PRAME: variants seen among roughly 807,000 people sequenced by gnomAD.
The protein encoded by PRAME is PRAME nuclear receptor transcriptional regulator, also known as melanoma antigen preferentially expressed in tumors.
PRAME carries 21 observed loss-of-function variants against 32.1 expected under a neutral mutation model. The ratio of observed to expected loss-of-function variants is 0.65; its 90% confidence interval spans 0.46 to 0.94. The LOEUF is 0.94. PRAME is among the 40% of genes least tolerant of loss of function. The pLI, the probability that PRAME is intolerant of heterozygous loss-of-function variation, is 0.00. For synonymous variants in PRAME, 274 were observed against 251.5 expected (o/e 1.09, Z -0.85); for missense variants, 651 against 622.3 (o/e 1.05, Z -0.49).
intron 3 of PRAME, among the ~76,000 whole-genome samples, chr22:22,553,677 T>A (rs190982711): frequency 3.8e-4 from 58 of 151,524 alleles, no homozygotes; most frequent in South Asian, 2.1e-4. Flanking sequence ...GCTGGAGAGG[T>A]GGGATAGAGA....
At chr22:22,552,950 C>T (rs957640931) in intron 3 of PRAME, 7 of 470,558 alleles carry the variant, frequency 1.5e-5, no homozygotes, top group African/African-American at 6.0e-5. Flanking sequence ...TTCAACTCCA[C>T]GCTGCCAACG....
At chr22:22,549,336 G>A (rs1008575429) in intron 5 of PRAME, among the ~76,000 whole-genome samples, 11 of 152,026 alleles carry the variant, frequency 7.2e-5, no homozygotes, top group African/African-American at 2.7e-4. Flanking sequence ...TTGAGAAGCT[G>A]GTGAGCGCAC....
chr22:22,547,779 C>G lies in PRAME; in HGVS notation c.*288G>C. ...AGGGATTAACTCCTACATGTACTTC[C>G]CAAGCCAGAATCTCCCTTTAGAAAT... On this transcript the variant is annotated 3_prime_UTR_variant, in exon 6 of 6. Coordinates refer to ENST00000405655, the MANE Select transcript of PRAME (RefSeq NM_206956.3). 2.1e-6 allele frequency: 1 copy of G among 475,758 alleles called. No individual in the cohort carries two copies. Among genetic ancestry groups the G allele is most frequent in the Non-Finnish European group, 3.7e-6 (1 of 268,962 alleles). 29.5% of individuals were successfully genotyped at this position (475,758 alleles called of 1,614,324 possible).
rs2062532749 is a variant in PRAME, at chr22:22,550,980, G to T, written c.131C>A (p.Ala44Asp). Residue 44 changes from alanine (A) to aspartate (D), a missense_variant, in exon 4 of 6, where the codon GCC becomes GAC. Ala to Asp is a moderately radical substitution (Grantham distance 126). Coordinates refer to ENST00000405655, the MANE Select transcript of PRAME (RefSeq NM_206956.3). ...LLKDEALAIAALELLPRELFP... is the reference protein window; with the variant it reads ...LLKDEALAIADLELLPRELFP... ...GAGCTCCCTGGGCAGCAACTCCAGG[G>T]CGGCAATGGCCAGGGCCTCATCCTT... is the stretch of plus-strand genomic sequence containing the variant. 3.7e-6 allele frequency: 6 copies of T among 1,613,552 alleles called. No homozygotes were observed. In the East Asian group the frequency reaches 1.1e-4, roughly 30 times the overall value.
intron 5 of PRAME, 56 bp downstream of exon 5, chr22:22,549,670 T>C: frequency 6.6e-7 from 1 of 1,524,488 alleles, no homozygotes; most frequent in Non-Finnish European, 8.8e-7. Context: ...CTTTATTGTT[T>C]ACTGCAATAA....
chr22:22,552,181 A>G (rs2062621553), intron 3 of PRAME, among the ~76,000 whole-genome samples: 2 of 151,536 alleles, frequency 1.3e-5, no homozygotes, highest in Non-Finnish European at 2.9e-5. Flanking sequence ...ATCTGAAAAG[A>G]AAAAGAAAAA....
At position 22,550,142 on chromosome 22, in the gene PRAME, T is replaced by C. The variant is rs374696908; in HGVS notation, c.537A>G (p.Val179=). ...AGGCACCTTCCTTGAGGAACAGGTC[T>C]ACGAGCACCTCTACTGGAATGAAGG... The part of the protein sequence containing the change: ...EQPFIPVEVL[V]DLFLKEGACD... Residue 179 remains valine (V), a synonymous_variant, in exon 5 of 6, where the codon GTA becomes GTG. Coordinates refer to ENST00000405655, the MANE Select transcript of PRAME (RefSeq NM_206956.3). 8 of 1,613,770 alleles carry C rather than the reference T, an allele frequency of 5.0e-6. No individual in the cohort carries two copies. The highest frequency in any genetic ancestry group is 6.8e-6 in the Non-Finnish European group (8 of 1,179,976).
At chr22:22,553,198 C>T (rs967356462) in intron 3 of PRAME, among the ~76,000 whole-genome samples, 2 of 151,944 alleles carry the variant, frequency 1.3e-5, no homozygotes, top group Admixed American at 6.6e-5. Flanking sequence ...CCCCTTCCCA[C>T]TCCCAAACAA....
At chr22:22,555,589 G>A (rs940637792) in intron 3 of PRAME, among the ~76,000 whole-genome samples, 2 of 151,706 alleles carry the variant, frequency 1.3e-5, no homozygotes, top group Non-Finnish European at 2.9e-5. Flanking sequence ...GACTGGTCTT[G>A]AACTCCTGGG....
rs1013253377 is a variant in PRAME at position 22,559,259 on chromosome 22, G to A, written c.-402C>T. On this transcript the variant is annotated 5_prime_UTR_variant, in exon 1 of 6. Transcript: ENST00000405655. ...GCAGGCCCGGCTTCTGGCTGCGGGG[G>A]AGCTGTACCCTGAAGCCTCGCCGGA... 6.2e-6 allele frequency: 2 copies of A among 321,344 alleles called. No individual in the cohort carries two copies. The highest frequency in any genetic ancestry group is 1.5e-4 in the East Asian group (1 of 6,588). 19.9% of individuals were successfully genotyped at this position (321,344 alleles called of 1,614,324 possible). A position where few individuals can be genotyped will look rare whatever the true frequency, so the allele number is the denominator to read the frequency against.
Position 22,559,238 on chromosome 22 carries a change from G to T in PRAME, c.-381C>A. 3.2e-6 allele frequency: 1 copy of T among 311,808 alleles called. No homozygotes were observed. The highest frequency in any genetic ancestry group is 6.3e-6 in the Non-Finnish European group (1 of 159,194). The allele number at this position is 311,808 out of a possible 1,614,324, so 19.3% of individuals were successfully genotyped here. Reference sequence around the variant, plus strand: ...CCGGAGCGGTGCTGAGGCGCTGCAGGCCCGGCTTCTGGCTGCGGGGGAGCT... The same window carrying T: ...CCGGAGCGGTGCTGAGGCGCTGCAGTCCCGGCTTCTGGCTGCGGGGGAGCT... On this transcript the variant is annotated 5_prime_UTR_variant, in exon 1 of 6. Transcript: ENST00000405655.
chr22:22,556,737 T>C, intron 3 of PRAME, 75 bp downstream of exon 3: 2 of 1,578,348 alleles, frequency 1.3e-6, no homozygotes, highest in Non-Finnish European at 1.7e-6. Context: ...GCAGCTCCCA[T>C]CTGGCTCGAG....
intron 2 of PRAME, 83 bp from the exon 3 acceptor site, chr22:22,556,992 G>A (rs2062967215): frequency 6.8e-6 from 6 of 876,716 alleles, no homozygotes; most frequent in Admixed American, 2.1e-5. Flanking sequence ...GAAAACCTCC[G>A]CAAATACTGC....
Position 22,554,894 on chromosome 22 carries a change from C to T in PRAME, c.21+1918G>A, listed in dbSNP as rs141442519. Reference sequence around the variant, plus strand: ...GGAGATCCAAGGGAGGAGGAGGAACCGCGATCAAGTGTGAGTTGTGTAATC... The same window carrying T: ...GGAGATCCAAGGGAGGAGGAGGAACTGCGATCAAGTGTGAGTTGTGTAATC... On this transcript the variant is annotated intron_variant, in intron 3 of 5. Transcript: ENST00000405655. Among the ~76,000 whole-genome samples, 432 of 152,004 alleles carry T rather than the reference C, an allele frequency of 2.8e-3. 3 individuals carry two copies. The highest frequency in any genetic ancestry group is 9.9e-3 in the African/African-American group (409 of 41,484).
intron 1 of PRAME, among the ~76,000 whole-genome samples, chr22:22,558,535 G>C (rs1428500371): frequency 1.7e-5 from 2 of 116,322 alleles, no homozygotes; most frequent in African/African-American, 6.6e-5. Flanking sequence ...AGTGGGGGAG[G>C]GGGTGGGGAT....
chr22:22,557,154 C>A, intron 2 of PRAME: 1 of 446,380 alleles, frequency 2.2e-6, no homozygotes, highest in East Asian at 4.2e-5. Flanking sequence ...TGGTCAAGGA[C>A]CCTGACTACG....
chr22:22,548,698 A>C, intron 5 of PRAME, 55 bp from the exon 6 acceptor site: 2 of 1,444,574 alleles, frequency 1.4e-6, no homozygotes, highest in Non-Finnish European at 9.4e-7. Flanking sequence ...GGGTGGGGAG[A>C]CTGGAGAGAG....
intron 3 of PRAME, chr22:22,554,030 G>T (rs376889173): frequency 3.0e-6 from 3 of 985,102 alleles, no homozygotes; most frequent in East Asian, 2.3e-4. Context: ...ATGCAATCAG[G>T]CCTATCAATT....
rs1301020759 is a variant in PRAME at position 22,547,853 on chromosome 22, T to A, written c.*214A>T. 11 of 592,908 alleles carry A rather than the reference T, an allele frequency of 1.9e-5. No individual in the cohort carries two copies. 36.7% of individuals were successfully genotyped at this position (592,908 alleles called of 1,614,324 possible). A position where few individuals can be genotyped will look rare whatever the true frequency, so the allele number is the denominator to read the frequency against. On this transcript the variant is annotated 3_prime_UTR_variant, in exon 6 of 6. Coordinates refer to ENST00000405655, the MANE Select transcript of PRAME (RefSeq NM_206956.3). ...AAGATGTATCTCCCCAAAGATCACA[T>A]TAACTCCTCAAGTCAACATCTGCCT... is the stretch of plus-strand genomic sequence containing the variant.
Sources: allele counts gnomAD v4.1 joint callset (sites outside exome capture counted in the v4.1 genomes callset), GRCh38; gene constraint gnomAD v4.1.1; transcripts MANE v1.5; gene names NCBI Gene and HGNC (gene_info 2026-07-23, HGNC 2026-07-21).